Variants in DPYD observed in about 807,000 individuals in gnomAD.
The protein encoded by DPYD is dihydropyrimidine dehydrogenase [NADP(+)].
In DPYD, 109 loss-of-function variants were observed where a neutral mutation model predicts 116.2. The observed-to-expected ratio is 0.94, with a 90% CI of 0.80 to 1.10. The LOEUF (loss-of-function observed/expected upper bound fraction) is 1.10, where lower values mean the gene tolerates loss of function less well. Ranked by LOEUF, DPYD falls within the 50% of genes least tolerant of loss-of-function variation. The pLI, the probability that DPYD is intolerant of heterozygous loss-of-function variation, is 0.00. For synonymous variants in DPYD, 440 were observed against 432.0 expected (o/e 1.02, Z -0.23); for missense variants, 1,302 against 1,254.5 (o/e 1.04, Z -0.57).
chr1:97,724,293 TGGGGGGGGGGGGGG>T (rs71883710), intron 4 of DPYD, among the ~76,000 whole-genome samples: 1 of 21,782 alleles, frequency 4.6e-5, no homozygotes, highest in Admixed American at 5.3e-4. Flanking sequence ...AGGATGTATG[TGGGGGGGGGGGGGG>T]GTGTGTGTGT....
intron 15 of DPYD, among the ~76,000 whole-genome samples, chr1:97,377,489 C>T (rs562739347): frequency 2.0e-5 from 3 of 152,170 alleles, no homozygotes; most frequent in African/African-American, 4.8e-5. Context: ...TTTAAGATAA[C>T]TCACCTGGTC....
intron 8 of DPYD, among the ~76,000 whole-genome samples, chr1:97,638,600 G>A (rs889583090): frequency 6.6e-6 from 1 of 152,154 alleles, no homozygotes; most frequent in Admixed American, 6.5e-5. Context: ...CTGAGACTGT[G>A]TAATTTATAA....
At chr1:97,621,540 T>G (rs1194779267) in intron 8 of DPYD, among the ~76,000 whole-genome samples, 4 of 152,090 alleles carry the variant, frequency 2.6e-5, no homozygotes, top group African/African-American at 9.7e-5. Flanking sequence ...ATAATATAAG[T>G]CTAATTTTGT....
At chr1:97,814,873 C>T (rs1346980174) in intron 3 of DPYD, among the ~76,000 whole-genome samples, 4 of 121,318 alleles carry the variant, frequency 3.3e-5, no homozygotes, top group South Asian at 2.7e-4. Flanking sequence ...CACTGCACTA[C>T]AGCCTACGCG....
At chr1:97,109,048 T>C (rs1651390453) in intron 20 of DPYD, among the ~76,000 whole-genome samples, 2 of 152,164 alleles carry the variant, frequency 1.3e-5, no homozygotes, top group South Asian at 4.1e-4. Flanking sequence ...ACTTGCCCTC[T>C]GTAAGCCTCA....
intron 16 of DPYD, among the ~76,000 whole-genome samples, chr1:97,362,613 C>A (rs1670796342): frequency 6.6e-6 from 1 of 152,070 alleles, no homozygotes; most frequent in African/African-American, 2.4e-5. Context: ...CTATATAGAC[C>A]AACGGAACAG....
chr1:97,430,270 T>C (rs985536514), intron 14 of DPYD, among the ~76,000 whole-genome samples: 11 of 152,290 alleles, frequency 7.2e-5, no homozygotes, highest in African/African-American at 1.2e-4. Flanking sequence ...AGTCGTACCC[T>C]TGGAGAATTC....
chr1:97,921,026 A>G lies in DPYD; in HGVS notation c.-104T>C. On this transcript the variant is annotated 5_prime_UTR_variant, in exon 1 of 23. Coordinates refer to ENST00000370192, the MANE Select transcript of DPYD (RefSeq NM_000110.4). ...AGCAGCCGGAGCGCGAGTCGAAAAC[A>G]GGCAGACTAGGGCCGGCGGCGCGGG... The G allele has an allele frequency of 7.0e-7, 1 of 1,420,970 alleles. No homozygotes were observed. 88.0% of individuals were successfully genotyped at this position (1,420,970 alleles called of 1,614,324 possible). A position where few individuals can be genotyped will look rare whatever the true frequency, so the allele number is the denominator to read the frequency against.
intron 20 of DPYD, among the ~76,000 whole-genome samples, chr1:97,107,857 C>T (rs1456246092): frequency 3.3e-5 from 5 of 152,028 alleles, no homozygotes; most frequent in Non-Finnish European, 5.9e-5. Context: ...AAGCATACTA[C>T]CTACATACTC....
At chr1:97,741,018 T>C (rs1449276321) in intron 3 of DPYD, among the ~76,000 whole-genome samples, 4 of 152,176 alleles carry the variant, frequency 2.6e-5, no homozygotes, top group Non-Finnish European at 4.4e-5. Flanking sequence ...AATTGAGTTC[T>C]GTAACAGATG....
chr1:97,900,323 C>T (rs377396025), intron 1 of DPYD, among the ~76,000 whole-genome samples: 55 of 151,942 alleles, frequency 3.6e-4, no homozygotes, highest in African/African-American at 9.6e-4. Context: ...TTCTTTAAGC[C>T]GCTTTTAGCA....
chr1:97,526,475 G>T (rs1409917109), intron 12 of DPYD, among the ~76,000 whole-genome samples: 1 of 152,070 alleles, frequency 6.6e-6, no homozygotes, highest in African/African-American at 2.4e-5. Flanking sequence ...AATTATATCA[G>T]AATCCCTTGG....
At chr1:97,678,489 A>C (rs1660262258) in intron 8 of DPYD, among the ~76,000 whole-genome samples, 1 of 152,212 alleles carries the variant, frequency 6.6e-6, no homozygotes, top group African/African-American at 2.4e-5. Context: ...AAGCCAACTT[A>C]CTTGTTCTCT....
intron 8 of DPYD, among the ~76,000 whole-genome samples, chr1:97,662,224 G>C (rs539756895): frequency 1.3e-5 from 2 of 150,612 alleles, no homozygotes; most frequent in South Asian, 2.1e-4. Flanking sequence ...ATGGTCTCTC[G>C]ATCTCCTGAC....
chr1:97,347,004 A>G (rs930112522), intron 16 of DPYD, among the ~76,000 whole-genome samples: 1 of 151,530 alleles, frequency 6.6e-6, no homozygotes, highest in Admixed American at 6.6e-5. Context: ...AAATATATAA[A>G]TCAGTGGATT....
intron 16 of DPYD, among the ~76,000 whole-genome samples, chr1:97,349,878 T>A (rs919609272): frequency 2.7e-5 from 4 of 149,250 alleles, no homozygotes; most frequent in African/African-American, 9.8e-5. Context: ...GGGATGGCTG[T>A]GTCAAATGGT....
At chr1:97,646,883 GTTT>G (rs1333927069) in intron 8 of DPYD, among the ~76,000 whole-genome samples, 1 of 151,992 alleles carries the variant, frequency 6.6e-6, no homozygotes, top group African/African-American at 2.4e-5. Flanking sequence ...CACCTACTCT[GTTT>G]TTCTGAACAA....
At chr1:97,337,796 T>C (rs1231027899) in intron 16 of DPYD, among the ~76,000 whole-genome samples, 1 of 152,156 alleles carries the variant, frequency 6.6e-6, no homozygotes, top group Non-Finnish European at 1.5e-5. Flanking sequence ...TGCTTAACAG[T>C]TGAGTACCAT....
intron 12 of DPYD, among the ~76,000 whole-genome samples, chr1:97,520,597 G>T (rs1648573685): frequency 1.3e-5 from 2 of 152,012 alleles, no homozygotes; most frequent in Non-Finnish European, 1.5e-5. Flanking sequence ...TCTACATTAG[G>T]TATTTCTCCT....
Sources: allele counts gnomAD v4.1 joint callset (sites outside exome capture counted in the v4.1 genomes callset), GRCh38; gene constraint gnomAD v4.1.1; transcripts MANE v1.5; gene names NCBI Gene and HGNC (gene_info 2026-07-23, HGNC 2026-07-21).